The following CEP164 variants were observed in gnomAD, a reference collection of about 807,000 sequenced individuals.
The protein encoded by CEP164 is centrosomal protein 164.
In CEP164, 162 loss-of-function variants were observed where a neutral mutation model predicts 182.7. The ratio of observed to expected loss-of-function variants is 0.89; its 90% CI spans 0.78 to 1.01. The LOEUF (loss-of-function observed/expected upper bound fraction) is 1.01. Ranked by LOEUF, CEP164 falls within the 50% of genes least tolerant of loss-of-function variation. The pLI is 0.00. For missense variants in CEP164, 1,735 were observed against 1,790.4 expected (o/e 0.97, Z 0.56); for synonymous variants, 661 against 690.0 (o/e 0.96, Z 0.66).
intron 27 of CEP164, among the ~76,000 whole-genome samples, chr11:117,398,197 A>T (rs1024588352): frequency 2.0e-5 from 3 of 152,160 alleles, no homozygotes; most frequent in African/African-American, 7.2e-5. Flanking sequence ...CTCCAAAATG[A>T]TCTCCTTTGA....
chr11:117,381,639 A>T (rs2043325989), intron 12 of CEP164, 62 bp from the exon 13 acceptor site: 1 of 1,541,368 alleles, frequency 6.5e-7, no homozygotes, highest in Admixed American at 1.9e-5. Context: ...TGTACTCCCC[A>T]GTTCTCTTCC....
chr11:117,405,555 G>A (rs181917949), intron 27 of CEP164, among the ~76,000 whole-genome samples: 45 of 152,254 alleles, frequency 3.0e-4, no homozygotes, highest in Admixed American at 5.2e-4. Flanking sequence ...TGCCTTCTGC[G>A]TTAATCTTGC....
rs941963278 is a variant in CEP164, at chr11:117,375,867, G to A, written c.1317+76G>A. ...ACTTTTTCGGATGACCCAGAACTGAGCCCTGCCCATCACAGGGTGCATTTC... is the reference window on the plus strand; with the variant it reads ...ACTTTTTCGGATGACCCAGAACTGAACCCTGCCCATCACAGGGTGCATTTC... On this transcript the variant is annotated intron_variant, in intron 11 of 32. Transcript: ENST00000278935. 24 of 1,287,950 alleles carry A rather than the reference G, an allele frequency of 1.9e-5. No homozygotes were observed. In the Admixed American group the frequency reaches 3.8e-4, roughly 20 times the overall value. 79.8% of individuals were successfully genotyped at this position (1,287,950 alleles called of 1,614,324 possible). A position where few individuals can be genotyped will look rare whatever the true frequency, so the allele number is the denominator to read the frequency against.
At position 117,412,288 on chromosome 11, in the gene CEP164, G is replaced by A. The variant is rs928811515; in HGVS notation, c.*120G>A. 3.7e-6 allele frequency: 3 copies of A among 817,958 alleles called. No homozygotes were observed. The highest frequency in any genetic ancestry group is 1.7e-5 in the African/African-American group (1 of 57,802). The allele number at this position is 817,958 out of a possible 1,614,324, so 50.7% of individuals were successfully genotyped here. On this transcript the variant is annotated 3_prime_UTR_variant, in exon 33 of 33. Transcript: ENST00000278935. ...CTCCTTCCCCCTTTGACTTGCAGGA[G>A]CCACCAGGGACCAGGGGGTTGAGTG... is the stretch of plus-strand genomic sequence containing the variant.
intron 1 of CEP164, among the ~76,000 whole-genome samples, chr11:117,330,137 A>G (rs2035966567): frequency 6.6e-6 from 1 of 151,862 alleles, no homozygotes; most frequent in African/African-American, 2.4e-5. Context: ...GAACTATCTC[A>G]ATTGTCCTCT....
intron 7 of CEP164, among the ~76,000 whole-genome samples, chr11:117,363,080 G>A (rs2041188633): frequency 6.6e-6 from 1 of 152,144 alleles, no homozygotes; most frequent in South Asian, 2.1e-4. Flanking sequence ...ATATATATGG[G>A]TTGTTTCCAC....
intron 9 of CEP164, among the ~76,000 whole-genome samples, chr11:117,372,746 G>T (rs2042344704): frequency 6.6e-6 from 1 of 152,156 alleles, no homozygotes; most frequent in Non-Finnish European, 1.5e-5. Flanking sequence ...ATCAGTTTGG[G>T]GGCAGTCGTG....
At chr11:117,364,615 G>A (rs937545140) in intron 8 of CEP164, among the ~76,000 whole-genome samples, 3 of 150,856 alleles carry the variant, frequency 2.0e-5, no homozygotes, top group African/African-American at 7.3e-5. Context: ...CCAGGCTGGA[G>A]TACACGTCAG....
chr11:117,375,836 CT>C (rs754572697), intron 11 of CEP164, 45 bp downstream of exon 11: 9 of 1,581,042 alleles, frequency 5.7e-6, no homozygotes, highest in South Asian at 1.1e-5. Flanking sequence ...CTCATTTTCC[CT>C]CACAACTTTT....
chr11:117,380,551 G>C lies in CEP164; in HGVS notation c.1318-63G>C, dbSNP rs1237093826. 6.0e-6 allele frequency: 8 copies of C among 1,340,710 alleles called. No homozygotes were observed. In the East Asian group the frequency reaches 2.0e-4, roughly 33 times the overall value. The allele number at this position is 1,340,710 out of a possible 1,614,324, so 83.1% of individuals were successfully genotyped here. A position where few individuals can be genotyped will look rare whatever the true frequency, so the allele number is the denominator to read the frequency against. On this transcript the variant is annotated intron_variant, in intron 11 of 32. Transcript: ENST00000278935. ...TTCGTCTAAGCTTGAGAGCCAGCAG[G>C]AGGATGGAGGGACCCAAATGCAGTC...
intron 9 of CEP164, among the ~76,000 whole-genome samples, chr11:117,371,878 C>T (rs1167902815): frequency 6.6e-6 from 1 of 150,498 alleles, no homozygotes; most frequent in East Asian, 2.0e-4. Context: ...CCTTGGCTCA[C>T]TGCAGCCTTG....
chr11:117,367,866 C>A (rs1357416954), intron 8 of CEP164, among the ~76,000 whole-genome samples: 1 of 152,174 alleles, frequency 6.6e-6, no homozygotes, highest in East Asian at 1.9e-4. Context: ...GTTTTTCCAT[C>A]ATCTTGAATA....
intron 27 of CEP164, among the ~76,000 whole-genome samples, chr11:117,398,386 A>C (rs1019976847): frequency 6.6e-6 from 1 of 152,126 alleles, no homozygotes; most frequent in Non-Finnish European, 1.5e-5. Context: ...AGTGCAAGCT[A>C]TTGACGGATC....
At chr11:117,395,239 G>C in intron 23 of CEP164, 48 bp downstream of exon 23, 1 of 1,593,360 alleles carries the variant, frequency 6.3e-7, no homozygotes, top group Non-Finnish European at 8.6e-7. Flanking sequence ...TCCATTTCCT[G>C]TCTTTCTTCT....
intron 1 of CEP164, among the ~76,000 whole-genome samples, chr11:117,332,719 G>T (rs947763108): frequency 3.3e-5 from 5 of 152,236 alleles, no homozygotes; most frequent in African/African-American, 1.2e-4. Context: ...GAGGAAACGT[G>T]TGAGCCACTC....
intron 8 of CEP164, among the ~76,000 whole-genome samples, chr11:117,363,759 C>CT (rs72255760): frequency 0.14 from 8,338 of 58,316 alleles, 2,186 homozygotes; most frequent in African/African-American, 0.18. Flanking sequence ...ACCTCCAATG[C>CT]TTTTTTTTTT....
At chr11:117,364,087 G>A (rs1284638968) in intron 8 of CEP164, 2 of 151,818 alleles carry the variant, frequency 1.3e-5, no homozygotes, top group Non-Finnish European at 2.9e-5. Flanking sequence ...TACTTAGAAA[G>A]GAGCTTTCCC....
chr11:117,392,418 T>G, intron 18 of CEP164, 78 bp from the exon 19 acceptor site: 3 of 1,573,146 alleles, frequency 1.9e-6, no homozygotes, highest in Non-Finnish European at 2.6e-6. Flanking sequence ...TGCCAGGTCC[T>G]CAGAACACAT....
At chr11:117,383,050 G>A in intron 14 of CEP164, 108 bp downstream of exon 14, 5 of 1,296,226 alleles carry the variant, frequency 3.9e-6, no homozygotes, top group Non-Finnish European at 5.3e-6. Context: ...TCTGGCCAAG[G>A]GTTAGAGTGT....
Sources: allele counts gnomAD v4.1 joint callset (sites outside exome capture counted in the v4.1 genomes callset), GRCh38; gene constraint gnomAD v4.1.1; transcripts MANE v1.5; gene names NCBI Gene and HGNC (gene_info 2026-07-23, HGNC 2026-07-21).